The following MBTPS1 variants were observed in gnomAD, a reference collection of about 807,000 sequenced individuals.
The protein encoded by MBTPS1 is membrane bound transcription factor peptidase, site 1, also known as membrane-bound transcription factor site-1 protease.
In MBTPS1, 94 loss-of-function variants were observed where a neutral mutation model predicts 127.8. The observed-to-expected ratio is 0.74, with a 90% CI of 0.62 to 0.87. The LOEUF is 0.87. Among genes scored for constraint, MBTPS1 ranks in the 40% least tolerant of loss-of-function variants. The pLI is 0.00. For missense variants in MBTPS1, 1,636 were observed against 1,353.2 expected, an observed-to-expected ratio of 1.21 and a Z score of -3.28; for synonymous variants, 632 against 509.4, an observed-to-expected ratio of 1.24 and a Z score of -3.24.
intron 11 of MBTPS1, 92 bp from the exon 12 acceptor site, chr16:84,074,833 C>T (rs2151151369): frequency 8.1e-7 from 1 of 1,229,082 alleles, no homozygotes; most frequent in Non-Finnish European, 1.1e-6. Context: ...CAAAGCAGAC[C>T]TAGCTTCAGA....
intron 10 of MBTPS1, among the ~76,000 whole-genome samples, chr16:84,083,001 T>G (rs954951334): frequency 6.6e-6 from 1 of 152,186 alleles, no homozygotes; most frequent in African/African-American, 2.4e-5. Flanking sequence ...AAAGGCTTCC[T>G]TGTTGCTGAA....
intron 7 of MBTPS1, 104 bp from the exon 8 acceptor site, chr16:84,091,046 A>C: frequency 1.1e-6 from 1 of 877,094 alleles, no homozygotes; most frequent in Non-Finnish European, 1.9e-6. Flanking sequence ...CAGTTCTAAA[A>C]AAGCAGCACT....
chr16:84,064,599 A>C (rs980297066), intron 18 of MBTPS1, among the ~76,000 whole-genome samples: 3 of 152,116 alleles, frequency 2.0e-5, no homozygotes, highest in Non-Finnish European at 4.4e-5. Flanking sequence ...CCTACCAAAA[A>C]CAAGGATCTC....
chr16:84,089,596 T>C (rs889702674), intron 8 of MBTPS1, among the ~76,000 whole-genome samples: 2 of 152,246 alleles, frequency 1.3e-5, no homozygotes, highest in Non-Finnish European at 2.9e-5. Context: ...GCTCTCCCCC[T>C]GCTGTCTGAT....
intron 2 of MBTPS1, among the ~76,000 whole-genome samples, 172 bp from the exon 3 acceptor site, chr16:84,099,482 T>C (rs1034218278): frequency 5.9e-5 from 9 of 152,138 alleles, no homozygotes; most frequent in African/African-American, 1.7e-4. Flanking sequence ...TGCAGAGCTT[T>C]GAGGAAAAAT....
At chr16:84,064,110 G>A (rs2085649447) in intron 18 of MBTPS1, among the ~76,000 whole-genome samples, 1 of 151,968 alleles carries the variant, frequency 6.6e-6, no homozygotes, top group African/African-American at 2.4e-5. Flanking sequence ...ATCATCAGTG[G>A]CACCACCAGA....
chr16:84,067,472 C>G (rs936471692), intron 16 of MBTPS1, among the ~76,000 whole-genome samples, 195 bp downstream of exon 16: 1 of 152,192 alleles, frequency 6.6e-6, no homozygotes, highest in Non-Finnish European at 1.5e-5. Context: ...CCCAACTCAG[C>G]CTTCCAAAGT....
At position 84,091,713 on chromosome 16, in the gene MBTPS1, G is replaced by T; in HGVS notation, c.963+19C>A. On this transcript the variant is annotated intron_variant, in intron 7 of 22. Transcript: ENST00000343411. ...GCAGGAGCTGTCACCCAAACCCCGT[G>T]TGCAGTGACTCCACAAACCTTGTCA... 1 of 1,561,090 alleles carries T rather than the reference G, an allele frequency of 6.4e-7. No homozygotes were observed. The highest frequency in any genetic ancestry group is 8.8e-7 in the Non-Finnish European group (1 of 1,131,758).
intron 8 of MBTPS1, among the ~76,000 whole-genome samples, 166 bp from the exon 9 acceptor site, chr16:84,087,626 A>G (rs1223201909): frequency 6.6e-6 from 1 of 152,132 alleles, no homozygotes; most frequent in Non-Finnish European, 1.5e-5. Flanking sequence ...CTGTCCTGTG[A>G]AACGCATGAT....
intron 10 of MBTPS1, among the ~76,000 whole-genome samples, chr16:84,084,446 A>C (rs547086729): frequency 6.6e-6 from 1 of 152,332 alleles, no homozygotes; most frequent in East Asian, 1.9e-4. Flanking sequence ...CAAATGGGTA[A>C]CACTGTGAGA....
chr16:84,088,898 C>G (rs1410036534), intron 8 of MBTPS1, among the ~76,000 whole-genome samples: 1 of 152,210 alleles, frequency 6.6e-6, no homozygotes, highest in African/African-American at 2.4e-5. Context: ...GTGGCCAGGT[C>G]TGTGTGAGGC....
In MBTPS1 at chr16:84,062,527, C is replaced by T. The variant is rs570757525; in HGVS notation, c.2572+778G>A. On this transcript the variant is annotated intron_variant, in intron 19 of 22. Coordinates refer to ENST00000343411, the MANE Select transcript of MBTPS1 (RefSeq NM_003791.4). ...AGGGGCACACACACACCTCTCAGCG[C>T]ACGCTGTTAGTGCCTCATTCTTGTC... 2.6e-4 allele frequency among the ~76,000 whole-genome samples: 39 copies of T among 152,344 alleles called. No individual in the cohort carries two copies. In the South Asian group the frequency reaches 7.9e-3, roughly 31 times the overall value.
intron 9 of MBTPS1, among the ~76,000 whole-genome samples, chr16:84,085,420 T>C (rs2086006085): frequency 6.6e-6 from 1 of 151,678 alleles, no homozygotes; most frequent in South Asian, 2.1e-4. Context: ...ATACAAAAAT[T>C]AGCCAGATGT....
chr16:84,093,021 C>A (rs910248552), intron 6 of MBTPS1, among the ~76,000 whole-genome samples, 167 bp downstream of exon 6: 5 of 152,162 alleles, frequency 3.3e-5, no homozygotes, highest in African/African-American at 1.2e-4. Context: ...AAGGGCGGAG[C>A]CACCCAGGAG....
chr16:84,089,279 T>G (rs1003074966), intron 8 of MBTPS1, among the ~76,000 whole-genome samples: 1 of 152,278 alleles, frequency 6.6e-6, no homozygotes, highest in South Asian at 2.1e-4. Context: ...CACCTGTTTT[T>G]GCAAATACAG....
intron 11 of MBTPS1, among the ~76,000 whole-genome samples, chr16:84,081,113 G>A (rs1383764438): frequency 6.6e-6 from 1 of 152,196 alleles, no homozygotes; most frequent in Admixed American, 6.5e-5. Flanking sequence ...GCTACATCAA[G>A]GTTCATTTCC....
At chr16:84,084,933 T>C (rs1364846987) in intron 10 of MBTPS1, 50 bp downstream of exon 10, 2 of 1,580,936 alleles carry the variant, frequency 1.3e-6, no homozygotes, top group Non-Finnish European at 1.7e-6. Context: ...TGGCACCGAG[T>C]GCTCCTGTCC....
At chr16:84,073,354 G>A (rs1045493717) in intron 12 of MBTPS1, among the ~76,000 whole-genome samples, 3 of 152,036 alleles carry the variant, frequency 2.0e-5, no homozygotes, top group African/African-American at 7.2e-5. Flanking sequence ...GGATGGTCTC[G>A]ATCTCTTGAC....
rs1597315483 is a variant in MBTPS1, at chr16:84,070,680, T to C, written c.1690A>G (p.Ile564Val). Residue 564 changes from isoleucine (I) to valine (V), a missense_variant, in exon 13 of 23, where the codon ATC (isoleucine) becomes GTC (valine). Physicochemically the swap from Ile to Val is conservative, Grantham distance 29. Transcript: ENST00000343411. Reference protein sequence around the residue: ...VLWPWSGYLAISISVTKKAAS... With the variant: ...VLWPWSGYLAVSISVTKKAAS... ...GCTTTCTTGGTCACAGAAATGGAGA[T>C]GGCCAGGTAGCCCGACCAAGGCCAT... The C allele has an allele frequency of 6.2e-7, 1 of 1,614,054 alleles. No individual in the cohort carries two copies. The highest frequency in any genetic ancestry group is 8.5e-7 in the Non-Finnish European group (1 of 1,180,000).
Sources: allele counts gnomAD v4.1 joint callset (sites outside exome capture counted in the v4.1 genomes callset), GRCh38; gene constraint gnomAD v4.1.1; transcripts MANE v1.5; gene names NCBI Gene and HGNC (gene_info 2026-07-23, HGNC 2026-07-21).